RHBDD2: variants seen among roughly 807,000 people sequenced by gnomAD.
The protein encoded by RHBDD2 is rhomboid domain containing 2.
RHBDD2 carries 13 observed loss-of-function variants against 21.7 expected under a neutral mutation model. That is an observed-to-expected ratio of 0.60 (90% CI 0.39 to 0.95). RHBDD2 has a LOEUF of 0.95. RHBDD2 is among the 40% of genes least tolerant of loss of function. The pLI is 0.00. For synonymous variants in RHBDD2, 225 were observed against 220.0 expected, an observed-to-expected ratio of 1.02 and a Z score of -0.20; for missense variants, 473 against 478.9, an observed-to-expected ratio of 0.99 and a Z score of 0.11.
In RHBDD2 at chr7:75,879,242, G is replaced by T. The variant is rs1272270359; in HGVS notation, c.160G>T (p.Ala54Ser). 2 of 1,517,122 alleles carry T rather than the reference G, an allele frequency of 1.3e-6. No individual in the cohort carries two copies. The highest frequency in any genetic ancestry group is 1.4e-5 in the African/African-American group (1 of 69,878). 94.0% of individuals were successfully genotyped at this position (1,517,122 alleles called of 1,614,324 possible). ...APSGLTLKSE[A>S]LRNWQVYRLV... Reference sequence around the variant, plus strand: ...CTCGGGCCTCACGCTGAAGTCCGAGGCCCTTCGCAACTGGCAAGGTGAGCA... The same window carrying T: ...CTCGGGCCTCACGCTGAAGTCCGAGTCCCTTCGCAACTGGCAAGGTGAGCA... Residue 54 changes from alanine (A) to serine (S), a missense_variant, in exon 1 of 4, where the codon GCC becomes TCC. Coordinates refer to ENST00000006777, the MANE Select transcript of RHBDD2 (RefSeq NM_001040456.3).
chr7:75,887,244 C>T (rs1805734187), intron 3 of RHBDD2, among the ~76,000 whole-genome samples: 1 of 147,804 alleles, frequency 6.8e-6, no homozygotes, highest in Non-Finnish European at 1.5e-5. Flanking sequence ...TTTAAGCAGT[C>T]CTCCTACCTC....
chr7:75,879,874 G>A (rs1374357311), intron 1 of RHBDD2, among the ~76,000 whole-genome samples: 1 of 152,184 alleles, frequency 6.6e-6, no homozygotes, highest in African/African-American at 2.4e-5. Flanking sequence ...AAATTTTGCA[G>A]ACCAATTAAG....
chr7:75,879,541 G>A (rs1805194802), intron 1 of RHBDD2, among the ~76,000 whole-genome samples: 1 of 152,108 alleles, frequency 6.6e-6, no homozygotes, highest in Non-Finnish European at 1.5e-5. Context: ...ACTGGTTAAG[G>A]CCCCAAATCC....
chr7:75,879,269 G>C lies in RHBDD2; in HGVS notation c.178+9G>C. 1.4e-6 allele frequency: 2 copies of C among 1,474,636 alleles called. No individual in the cohort carries two copies. Among genetic ancestry groups the C allele is most frequent in the East Asian group, 2.8e-5 (1 of 35,122 alleles). 91.3% of individuals were successfully genotyped at this position (1,474,636 alleles called of 1,614,324 possible). A position where few individuals can be genotyped will look rare whatever the true frequency, so the allele number is the denominator to read the frequency against. On this transcript the variant is annotated intron_variant, in intron 1 of 3. Transcript: ENST00000006777. ...CCTTCGCAACTGGCAAGGTGAGCAGGGGCGGGCCGGGATCGCGGGGCGAGT... is the reference window on the plus strand; with the variant it reads ...CCTTCGCAACTGGCAAGGTGAGCAGCGGCGGGCCGGGATCGCGGGGCGAGT...
chr7:75,879,973 C>T (rs1805221873), intron 1 of RHBDD2, among the ~76,000 whole-genome samples: 1 of 152,290 alleles, frequency 6.6e-6, no homozygotes, highest in South Asian at 2.1e-4. Context: ...ATATCTCCTG[C>T]TGTTTTGCAA....
chr7:75,880,826 A>G (rs1374496531), intron 1 of RHBDD2, among the ~76,000 whole-genome samples: 1 of 152,144 alleles, frequency 6.6e-6, no homozygotes, highest in African/African-American at 2.4e-5. Flanking sequence ...CCTGGAATCA[A>G]GCGAGCCTCC....
intron 2 of RHBDD2, among the ~76,000 whole-genome samples, chr7:75,882,458 T>TACA (rs1805391285): frequency 6.6e-6 from 1 of 152,138 alleles, no homozygotes; most frequent in African/African-American, 2.4e-5. Flanking sequence ...TAGCTGGGAC[T>TACA]ACAGGTGTGC....
At chr7:75,887,561 T>C (rs1243604377) in intron 3 of RHBDD2, among the ~76,000 whole-genome samples, 1 of 152,014 alleles carries the variant, frequency 6.6e-6, no homozygotes, top group Non-Finnish European at 1.5e-5. Context: ...TGACCTCAGA[T>C]GATCCACCCG....
chr7:75,888,171 T>G lies in RHBDD2; in HGVS notation c.917T>G (p.Val306Gly). The change falls in exon 4 of 4, where the codon GTG becomes GGG. Residue 306 changes from valine (V) to glycine (G), a missense_variant. Coordinates refer to ENST00000006777, the MANE Select transcript of RHBDD2 (RefSeq NM_001040456.3). ...CAGCCTGCCTCCGGCCTGTGCTATG[T>G]GCAGAACCACTTTGGTCCAAACCCC... Reference protein sequence around the residue: ...PYQPASGLCYVQNHFGPNPTS... With the variant: ...PYQPASGLCYGQNHFGPNPTS... 6.2e-7 allele frequency: 1 copy of G among 1,613,876 alleles called. No individual in the cohort carries two copies.
At position 75,882,368 on chromosome 7, in the gene RHBDD2, G is replaced by C. The variant is rs1433070536; in HGVS notation, c.586+132G>C. 9 of 844,830 alleles carry C rather than the reference G, an allele frequency of 1.1e-5. No homozygotes were observed. In the East Asian group the frequency reaches 2.2e-4, roughly 20 times the overall value. The allele number at this position is 844,830 out of a possible 1,614,324, so 52.3% of individuals were successfully genotyped here. ...TCGAAACAGAGTCTCTGTCACCCAGGCTGGAGTGCAGTGGCAGGATCTCAA... is the reference window on the plus strand; with the variant it reads ...TCGAAACAGAGTCTCTGTCACCCAGCCTGGAGTGCAGTGGCAGGATCTCAA... On this transcript the variant is annotated intron_variant, in intron 2 of 3. Transcript: ENST00000006777.
At chr7:75,885,484 A>AT (rs1463023929) in intron 3 of RHBDD2, among the ~76,000 whole-genome samples, 2 of 151,772 alleles carry the variant, frequency 1.3e-5, no homozygotes, top group Non-Finnish European at 2.9e-5. Context: ...ACAGTGTAGG[A>AT]TTTTTTCTTT....
At chr7:75,885,698 C>T (rs1805618034) in intron 3 of RHBDD2, among the ~76,000 whole-genome samples, 2 of 152,086 alleles carry the variant, frequency 1.3e-5, no homozygotes, top group African/African-American at 2.4e-5. Flanking sequence ...CGGCACCACA[C>T]ATTGAGAGAG....
chr7:75,884,279 T>C (rs1554543287), intron 3 of RHBDD2, among the ~76,000 whole-genome samples: 1 of 152,138 alleles, frequency 6.6e-6, no homozygotes, highest in African/African-American at 2.4e-5. Flanking sequence ...TGGATTGCAG[T>C]GGTATGATCA....
At chr7:75,886,650 T>C (rs1375116162) in intron 3 of RHBDD2, among the ~76,000 whole-genome samples, 1 of 151,846 alleles carries the variant, frequency 6.6e-6, no homozygotes, top group Non-Finnish European at 1.5e-5. Context: ...CCATCTCTAC[T>C]AAAAATACAA....
intron 3 of RHBDD2, among the ~76,000 whole-genome samples, chr7:75,884,575 G>A (rs570748464): frequency 1.4e-4 from 22 of 152,276 alleles, no homozygotes; most frequent in African/African-American, 4.3e-4. Context: ...GTTTATTGCC[G>A]TAAGTGATAA....
intron 2 of RHBDD2, among the ~76,000 whole-genome samples, chr7:75,882,487 T>C (rs1554542838): frequency 6.6e-6 from 1 of 152,036 alleles, no homozygotes; most frequent in African/African-American, 2.4e-5. Flanking sequence ...ACCCGGCTAA[T>C]TTTTATATTT....
chr7:75,883,887 T>A (rs60940857), intron 3 of RHBDD2, 39 bp downstream of exon 3: 106 of 1,453,194 alleles, frequency 7.3e-5, no homozygotes, highest in Admixed American at 3.1e-4. Flanking sequence ...AAATCTTTTT[T>A]AAAAAAAAAA....
intron 3 of RHBDD2, among the ~76,000 whole-genome samples, chr7:75,884,223 A>T (rs1364459538): frequency 1.3e-5 from 2 of 151,640 alleles, no homozygotes; most frequent in African/African-American, 2.4e-5. Flanking sequence ...CTGTTTTTTT[A>T]TTCTTTTTTT....
chr7:75,888,226 G>C lies in RHBDD2; in HGVS notation c.972G>C (p.Ala324=). The change falls in exon 4 of 4, where the codon GCG becomes GCC. Residue 324 remains alanine (A), a synonymous_variant. Transcript: ENST00000006777. ...PTSSSVYPAS[A]GTSLGIQPPT... Reference sequence around the variant, plus strand: ...CCTCCAGTGTCTACCCAGCTTCTGCGGGCACCTCCCTGGGCATCCAGCCCC... The same window carrying C: ...CCTCCAGTGTCTACCCAGCTTCTGCCGGCACCTCCCTGGGCATCCAGCCCC... The C allele has an allele frequency of 6.2e-7, 1 of 1,613,616 alleles. No homozygotes were observed. The highest frequency in any genetic ancestry group is 1.1e-5 in the South Asian group (1 of 91,078).
Sources: allele counts gnomAD v4.1 joint callset (sites outside exome capture counted in the v4.1 genomes callset), GRCh38; gene constraint gnomAD v4.1.1; transcripts MANE v1.5; gene names NCBI Gene and HGNC (gene_info 2026-07-23, HGNC 2026-07-21).